The following GBP3 variants were observed in gnomAD, a reference collection of about 807,000 sequenced individuals.
GBP3 encodes the protein guanylate-binding protein 3.
GBP3 carries 55 observed loss-of-function variants against 62.4 expected under a neutral mutation model. The observed-to-expected ratio is 0.88, with a 90% CI of 0.71 to 1.10. The LOEUF (loss-of-function observed/expected upper bound fraction) is 1.10. Among genes scored for constraint, GBP3 ranks in the 50% least tolerant of loss-of-function variants. GBP3 has a pLI of 0.00. For missense variants in GBP3, 605 were observed against 690.6 expected, an observed-to-expected ratio of 0.88 and a Z score of 1.39; for synonymous variants, 208 against 259.2, an observed-to-expected ratio of 0.80 and a Z score of 1.90.
Position 89,007,103 on chromosome 1 carries a change from C to A in GBP3, c.*621G>T, listed in dbSNP as rs1678256667. 6.6e-6 allele frequency: 1 copy of A among 152,200 alleles called. No individual in the cohort carries two copies. The highest frequency in any genetic ancestry group is 1.5e-5 in the Non-Finnish European group (1 of 68,056). 9.4% of individuals were successfully genotyped at this position (152,200 alleles called of 1,614,324 possible). A position where few individuals can be genotyped will look rare whatever the true frequency, so the allele number is the denominator to read the frequency against. On this transcript the variant is annotated 3_prime_UTR_variant, in exon 11 of 11. Transcript: ENST00000370481. Reference sequence around the variant, plus strand: ...TCAGGTGTCACATTAAGGTTATAATCTAGATGAATTGAACAAGAAAGAAAA... The same window carrying A: ...TCAGGTGTCACATTAAGGTTATAATATAGATGAATTGAACAAGAAAGAAAA...
chr1:89,015,427 G>C lies in GBP3; in HGVS notation c.191-13C>G. 1 of 1,607,566 alleles carries C rather than the reference G, an allele frequency of 6.2e-7. No individual in the cohort carries two copies. The highest frequency in any genetic ancestry group is 8.5e-7 in the Non-Finnish European group (1 of 1,177,764). On this transcript the variant is annotated splice_polypyrimidine_tract_variant and intron_variant, in intron 2 of 10. Transcript: ENST00000370481. ...CCCAGAGAGAAGCCTGTAAAGGAGAGATGGGATAAGAAGGGCTGGAGGTTT... is the reference window on the plus strand; with the variant it reads ...CCCAGAGAGAAGCCTGTAAAGGAGACATGGGATAAGAAGGGCTGGAGGTTT...
chr1:89,007,834 T>C lies in GBP3; in HGVS notation c.1678A>G (p.Lys560Glu). 1 of 1,613,802 alleles carries C rather than the reference T, an allele frequency of 6.2e-7. No individual in the cohort carries two copies. The highest frequency in any genetic ancestry group is 8.5e-7 in the Non-Finnish European group (1 of 1,179,780). ...GTACTTTCACCTTGGCATCTCTCCT[T>C]TAGTACTCGGGCCTGTTCCTAAAAA... is the stretch of plus-strand genomic sequence containing the variant. ...SKLQEQARVL[K>E]ERCQGESTQL... Residue 560 changes from lysine to glutamate, a missense_variant, in exon 11 of 11, where the codon AAG (lysine) becomes GAG (glutamate). Physicochemically the swap from Lys to Glu is moderately conservative, Grantham distance 56 (BLOSUM62 1). Coordinates refer to ENST00000370481, the MANE Select transcript of GBP3 (RefSeq NM_018284.3).
chr1:89,009,236 C>T (rs1424270346), intron 9 of GBP3, 96 bp from the exon 10 acceptor site: 25 of 1,401,568 alleles, frequency 1.8e-5, no homozygotes, highest in Non-Finnish European at 2.4e-5. Context: ...CTGCATATGC[C>T]CTACTCAGAG....
intron 7 of GBP3, among the ~76,000 whole-genome samples, chr1:89,011,519 A>G (rs952711005): frequency 7.2e-6 from 1 of 139,758 alleles, no homozygotes; most frequent in African/African-American, 2.5e-5. Flanking sequence ...ATTGTCAGTT[A>G]TATGAATTTA....
At position 89,015,744 on chromosome 1, in the gene GBP3, TA is replaced by T. The variant is rs58886103; in HGVS notation, c.191-331del. On this transcript the variant is annotated intron_variant, in intron 2 of 10. Coordinates refer to ENST00000370481, the MANE Select transcript of GBP3 (RefSeq NM_018284.3). ...GGGCAACAGAGCGAGACTCTTGTCT[TA>T]AAAAAAAAAAAAAAAAAAAAAGAGG... 7.2e-3 allele frequency among the ~76,000 whole-genome samples: 621 copies of T among 86,018 alleles called. 4 individuals are homozygous for T. Among genetic ancestry groups the T allele is most frequent in the African/African-American group, 0.021 (447 of 20,898 alleles). The allele number at this position is 86,018 out of a possible 152,430, so 56.4% of individuals were successfully genotyped here.
intron 10 of GBP3, among the ~76,000 whole-genome samples, chr1:89,008,262 G>T (rs1678345691): frequency 6.6e-6 from 1 of 151,544 alleles, no homozygotes; most frequent in African/African-American, 2.4e-5. Context: ...TTAGGTATAT[G>T]AATCTTAGAT....
chr1:89,013,488 T>C (rs1173523166), intron 5 of GBP3, 61 bp from the exon 6 acceptor site: 1 of 1,520,568 alleles, frequency 6.6e-7, no homozygotes, highest in African/African-American at 1.4e-5. Flanking sequence ...CGTCAAATAG[T>C]AAATATTTTA....
intron 2 of GBP3, among the ~76,000 whole-genome samples, chr1:89,019,232 G>A (rs1417074990): frequency 2.0e-5 from 3 of 152,276 alleles, no homozygotes; most frequent in East Asian, 3.9e-4. Flanking sequence ...ACTGACAAGC[G>A]AACAGATAAA....
rs1306479236 is a variant in GBP3 at position 89,013,247 on chromosome 1, G to C, written c.806C>G (p.Ser269Cys). 6.2e-7 allele frequency: 1 copy of C among 1,614,160 alleles called. No individual in the cohort carries two copies. The highest frequency in any genetic ancestry group is 1.7e-5 in the Admixed American group (1 of 60,024). ...EFVQQVADFC[S>C]YIFSNSKTKT... ...AGTTTTGGAATTGCTAAAGATGTAG[G>C]AACAGAAGTCTGCTACTTGTTGCAC... is the stretch of plus-strand genomic sequence containing the variant. The change falls in exon 6 of 11, where the codon TCC becomes TGC. Residue 269 changes from serine (S) to cysteine (C), a missense_variant. Coordinates refer to ENST00000370481, the MANE Select transcript of GBP3 (RefSeq NM_018284.3).
At chr1:89,018,653 T>C (rs188376335) in intron 2 of GBP3, among the ~76,000 whole-genome samples, 23 of 152,354 alleles carry the variant, frequency 1.5e-4, no homozygotes, top group African/African-American at 5.3e-4. Flanking sequence ...AATTCTTATC[T>C]CTGTATACTG....
At chr1:89,017,257 G>A (rs939425041) in intron 2 of GBP3, among the ~76,000 whole-genome samples, 1 of 149,588 alleles carries the variant, frequency 6.7e-6, no homozygotes, top group African/African-American at 2.5e-5. Flanking sequence ...ATTCAACGCA[G>A]AAAGAGGAGT....
chr1:89,017,327 A>G (rs1678937342), intron 2 of GBP3, among the ~76,000 whole-genome samples: 1 of 152,146 alleles, frequency 6.6e-6, no homozygotes, highest in South Asian at 2.1e-4. Context: ...CCAAAAAAAA[A>G]AAAAAAGTTG....
At position 89,011,137 on chromosome 1, in the gene GBP3, G is replaced by A. The variant is rs111727428; in HGVS notation, c.1150-21C>T. ...TGGGCCTTTAATGTAAAAATAGGAA[G>A]TAAAAAGAGTAACAGGGAAAGGATG... On this transcript the variant is annotated intron_variant, in intron 7 of 10. Transcript: ENST00000370481. 1.4e-6 allele frequency: 2 copies of A among 1,461,178 alleles called. 1 individual carries two copies. Among genetic ancestry groups the A allele is most frequent in the South Asian group, 2.4e-5 (2 of 84,670 alleles). The allele number at this position is 1,461,178 out of a possible 1,614,324, so 90.5% of individuals were successfully genotyped here.
intron 1 of GBP3, 36 bp downstream of exon 1, chr1:89,022,648 C>T (rs1432432477): frequency 6.6e-6 from 1 of 152,228 alleles, no homozygotes; most frequent in Admixed American, 6.5e-5. Flanking sequence ...AGCTGAGGTA[C>T]TTCAGAGCTG....
At chr1:89,018,078 C>CAAA (rs796417229) in intron 2 of GBP3, among the ~76,000 whole-genome samples, 3 of 119,402 alleles carry the variant, frequency 2.5e-5, no homozygotes, top group African/African-American at 8.8e-5. Context: ...GACTGTGTCT[C>CAAA]AAAAAAAAAA....
rs753539020 is a variant in GBP3 at position 89,015,387 on chromosome 1, G to A, written c.218C>T (p.Ser73Phe). ...CCACATCCAGATTCCTTTGGTGTGA[G>A]ATTTCACTGTGGAGCCCAGAGAGAA... ...KGFSLGSTVK[S>F]HTKGIWMWCV... The change falls in exon 3 of 11, where the codon TCT (serine) becomes TTT (phenylalanine). Residue 73 changes from serine (S) to phenylalanine (F), a missense_variant. By Grantham distance (155) the Ser-to-Phe change is radical. Around this residue, in one of 3 missense-constraint regions of GBP3, gnomAD observed 308 missense variants for 318.0 expected, o/e 0.97. Transcript: ENST00000370481. 6.2e-7 allele frequency: 1 copy of A among 1,613,624 alleles called. No individual in the cohort carries two copies. Among genetic ancestry groups the A allele is most frequent in the East Asian group, 2.2e-5 (1 of 44,844 alleles).
intron 3 of GBP3, 94 bp from the exon 4 acceptor site, chr1:89,014,750 T>A: frequency 6.7e-7 from 1 of 1,502,242 alleles, no homozygotes; most frequent in Non-Finnish European, 9.1e-7. Flanking sequence ...AAGTTAGAGT[T>A]TTCTTTTAAG....
chr1:89,007,943 ACT>A, intron 10 of GBP3, 91 bp from the exon 11 acceptor site: 1 of 1,197,090 alleles, frequency 8.4e-7, no homozygotes, highest in Non-Finnish European at 1.2e-6. Flanking sequence ...TTTATTTAGT[ACT>A]TAGTTTTTTT....
chr1:89,008,738 G>T, intron 10 of GBP3: 1 of 849,514 alleles, frequency 1.2e-6, no homozygotes, highest in Non-Finnish European at 1.8e-6. Flanking sequence ...ACTAAAACGG[G>T]ACTGAATGTG....
Sources: allele counts gnomAD v4.1 joint callset (sites outside exome capture counted in the v4.1 genomes callset), GRCh38; gene constraint gnomAD v4.1.1; regional missense constraint gnomAD v4.1.1; transcripts MANE v1.5; gene names NCBI Gene and HGNC (gene_info 2026-07-23, HGNC 2026-07-21).